The following ARRDC3 variants were observed in gnomAD, a reference collection of about 807,000 sequenced individuals.
ARRDC3 encodes the protein arrestin domain containing 3, also known as arrestin domain-containing protein 3.
In ARRDC3, 10 loss-of-function variants were observed where a neutral mutation model predicts 47.2. The observed-to-expected ratio is 0.21, with a 90% CI of 0.13 to 0.36. ARRDC3 has a LOEUF of 0.36. Ranked by LOEUF, ARRDC3 falls within the 10% of genes least tolerant of loss-of-function variation. The pLI is 1.00. For synonymous variants in ARRDC3, 156 were observed against 178.3 expected (o/e 0.87, Z 1.00); for missense variants, 381 against 503.6 (o/e 0.76, Z 2.33).
intron 1 of ARRDC3, chr5:91,379,979 G>A (rs567288504): frequency 1.8e-4 from 27 of 152,284 alleles, no homozygotes; most frequent in African/African-American, 6.3e-4. Context: ...CCAAAAACTA[G>A]CTGATGAGCT....
Position 91,374,099 on chromosome 5 carries a change from G to T in ARRDC3, c.1033+15C>A. On this transcript the variant is annotated intron_variant, in intron 6 of 7. Coordinates refer to ENST00000265138, the MANE Select transcript of ARRDC3 (RefSeq NM_020801.4). The stretch of plus-strand genomic sequence containing the variant: ...GTAGTAAGAGATTAAGCTTAGACGT[G>T]TATTATCAAATTACCTTCAGGTCTT... 6.2e-7 allele frequency: 1 copy of T among 1,609,264 alleles called. No homozygotes were observed.
At chr5:91,380,782 G>GT (rs1022847657) in intron 1 of ARRDC3, 8 of 152,320 alleles carry the variant, frequency 5.3e-5, no homozygotes, top group African/African-American at 1.7e-4. Context: ...TCCAGCACCT[G>GT]TAAGGCCGGC....
In ARRDC3 at chr5:91,378,704, G is replaced by A; in HGVS notation, c.352C>T (p.Leu118Phe). 3 of 1,584,702 alleles carry A rather than the reference G, an allele frequency of 1.9e-6. No homozygotes were observed. Among genetic ancestry groups the A allele is most frequent in the Non-Finnish European group, 2.6e-6 (3 of 1,161,850 alleles). The change falls in exon 2 of 8, where the codon CTT (leucine) becomes TTT (phenylalanine). Residue 118 changes from leucine (L) to phenylalanine (F), a missense_variant. Leu to Phe is a conservative substitution (Grantham distance 22). Transcript: ENST00000265138. ...ATTTATAATACTTACGTCTGTGGAA[G>A]CTCGAAGCTGAATGCATATTCATGC... is the stretch of plus-strand genomic sequence containing the variant. ...GRHEYAFSFE[L>F]PQTPLATSFE...
rs1244666129 is a variant in ARRDC3, at chr5:91,375,632, G to C, written c.511-19C>G. 3.2e-6 allele frequency: 5 copies of C among 1,560,472 alleles called. No homozygotes were observed. The African/African-American group carries it at 4.1e-5, about 13-fold the overall frequency. On this transcript the variant is annotated intron_variant, in intron 3 of 7. Coordinates refer to ENST00000265138, the MANE Select transcript of ARRDC3 (RefSeq NM_020801.4). ...GGGGTGACTGTAAGAAAAAAATTAA[G>C]AGAAAAAGGTCAGTGTATGGATTGG...
At chr5:91,378,165 T>G (rs946098258) in intron 2 of ARRDC3, among the ~76,000 whole-genome samples, 1 of 152,098 alleles carries the variant, frequency 6.6e-6, no homozygotes, top group Non-Finnish European at 1.5e-5. Flanking sequence ...ATATCTCTTG[T>G]GTGACCTTCC....
intron 7 of ARRDC3, 77 bp downstream of exon 7, chr5:91,373,606 CA>C: frequency 1.4e-6 from 2 of 1,381,798 alleles, no homozygotes; most frequent in Non-Finnish European, 2.0e-6. Context: ...GATCTAATAA[CA>C]TTAAGAAAAA....
At position 91,370,329 on chromosome 5, in the gene ARRDC3, C is replaced by T. The variant is rs1228798750; in HGVS notation, c.*1071G>A. 1 of 152,578 alleles carries T rather than the reference C, an allele frequency of 6.6e-6. No individual in the cohort carries two copies. Among genetic ancestry groups the T allele is most frequent in the African/African-American group, 2.4e-5 (1 of 41,448 alleles). 9.5% of individuals were successfully genotyped at this position (152,578 alleles called of 1,614,324 possible). A position where few individuals can be genotyped will look rare whatever the true frequency, so the allele number is the denominator to read the frequency against. ...AATAATTTTTAAGAGCAACAGCCCT[C>T]AACTCTTTGCTGGTGCCTGCCATAC... On this transcript the variant is annotated 3_prime_UTR_variant, in exon 8 of 8. Coordinates refer to ENST00000265138, the MANE Select transcript of ARRDC3 (RefSeq NM_020801.4).
Position 91,369,770 on chromosome 5 carries a change from C to T in ARRDC3, c.*1630G>A, listed in dbSNP as rs1181851880. On this transcript the variant is annotated 3_prime_UTR_variant, in exon 8 of 8. Coordinates refer to ENST00000265138, the MANE Select transcript of ARRDC3 (RefSeq NM_020801.4). ...TCCTTCTAAAATACAACAACAACAA[C>T]AACAACAAAATAAGTACACTTGGTA... 1 of 152,032 alleles carries T rather than the reference C, an allele frequency of 6.6e-6. No homozygotes were observed. Among genetic ancestry groups the T allele is most frequent in the African/African-American group, 2.4e-5 (1 of 41,376 alleles). The allele number at this position is 152,032 out of a possible 1,614,324, so 9.4% of individuals were successfully genotyped here.
chr5:91,371,426 C>A lies in ARRDC3; in HGVS notation c.1219G>T (p.Asp407Tyr), dbSNP rs201163117. 1.4e-5 allele frequency: 23 copies of A among 1,613,440 alleles called. No individual in the cohort carries two copies. Among genetic ancestry groups the A allele is most frequent in the Admixed American group, 3.3e-5 (2 of 59,904 alleles). ...IDPNPDQSAD[D>Y]RPSCPSR ...CAACGAGAGGGGCAGGATGGTCTAT[C>A]ATCTGCTGACTGATCAGGATTTGGA... Residue 407 changes from aspartate to tyrosine, a missense_variant, in exon 8 of 8, where the codon GAT becomes TAT. Asp to Tyr is a radical substitution (Grantham distance 160, BLOSUM62 -3). Transcript: ENST00000265138.
At chr5:91,376,530 A>G in intron 3 of ARRDC3, 91 bp downstream of exon 3, 1 of 1,149,318 alleles carries the variant, frequency 8.7e-7, no homozygotes, top group South Asian at 1.8e-5. Context: ...CAGTATTTTT[A>G]AATTATGACA....
In ARRDC3 at chr5:91,378,676, A is replaced by T. The variant is rs767044543; in HGVS notation, c.362+18T>A. 39 of 1,401,316 alleles carry T rather than the reference A, an allele frequency of 2.8e-5. No individual in the cohort carries two copies. The Middle Eastern group carries it at 1.1e-3, about 40-fold the overall frequency. The allele number at this position is 1,401,316 out of a possible 1,614,324, so 86.8% of individuals were successfully genotyped here. A position where few individuals can be genotyped will look rare whatever the true frequency, so the allele number is the denominator to read the frequency against. On this transcript the variant is annotated intron_variant, in intron 2 of 7. Coordinates refer to ENST00000265138, the MANE Select transcript of ARRDC3 (RefSeq NM_020801.4). ...ATCATAAGTATCTATAAAAATGCCT[A>T]TTATTTATAATACTTACGTCTGTGG...
chr5:91,372,991 A>G (rs1378948870), intron 7 of ARRDC3, among the ~76,000 whole-genome samples: 1 of 152,196 alleles, frequency 6.6e-6, no homozygotes, highest in East Asian at 1.9e-4. Context: ...CCTTTTGAGG[A>G]CTACTCATTC....
chr5:91,379,007 C>T (rs1046020818), intron 1 of ARRDC3, among the ~76,000 whole-genome samples: 4 of 152,070 alleles, frequency 2.6e-5, no homozygotes, highest in African/African-American at 9.7e-5. Context: ...TCACACCCCA[C>T]AGGCTTTTTA....
Position 91,370,495 on chromosome 5 carries a change from C to T in ARRDC3, c.*905G>A, listed in dbSNP as rs550050563. On this transcript the variant is annotated 3_prime_UTR_variant, in exon 8 of 8. Transcript: ENST00000265138. ...AAAGCCAACCAAATAAACAAACAAACAAACGAAAAAAACAGTGCAACAAAA... is the reference window on the plus strand; with the variant it reads ...AAAGCCAACCAAATAAACAAACAAATAAACGAAAAAAACAGTGCAACAAAA... The T allele has an allele frequency of 6.6e-6, 1 of 152,518 alleles. No individual in the cohort carries two copies. The highest frequency in any genetic ancestry group is 1.9e-4 in the East Asian group (1 of 5,164). 9.4% of individuals were successfully genotyped at this position (152,518 alleles called of 1,614,324 possible).
chr5:91,371,468 T>G lies in ARRDC3; in HGVS notation c.1189-12A>C. 1 of 1,609,268 alleles carries G rather than the reference T, an allele frequency of 6.2e-7. No individual in the cohort carries two copies. On this transcript the variant is annotated splice_polypyrimidine_tract_variant and intron_variant, in intron 7 of 7. Transcript: ENST00000265138. ...GGATTTGGATCAATCTAGAAAGAAA[T>G]GAGAAAAAAAGTTTACAGAGTTATT...
Position 91,371,320 on chromosome 5 carries a change from T to A in ARRDC3, c.*80A>T, listed in dbSNP as rs538768504. The A allele has an allele frequency of 2.2e-5, 28 of 1,261,142 alleles. No homozygotes were observed. In the South Asian group the frequency reaches 3.1e-4, roughly 14 times the overall value. 78.1% of individuals were successfully genotyped at this position (1,261,142 alleles called of 1,614,324 possible). A position where few individuals can be genotyped will look rare whatever the true frequency, so the allele number is the denominator to read the frequency against. ...GTAATTCCACTTCCTCTGAAACGTG[T>A]CTCCAAGATACTTCTCTGTCCTCAG... On this transcript the variant is annotated 3_prime_UTR_variant, in exon 8 of 8. Coordinates refer to ENST00000265138, the MANE Select transcript of ARRDC3 (RefSeq NM_020801.4).
chr5:91,375,077 T>C lies in ARRDC3; in HGVS notation c.715A>G (p.Lys239Glu). 1 of 1,614,212 alleles carries C rather than the reference T, an allele frequency of 6.2e-7. No individual in the cohort carries two copies. The highest frequency in any genetic ancestry group is 8.5e-7 in the Non-Finnish European group (1 of 1,180,028). ...ACAAGCTGTTTTACTTCCTTCATTT[T>C]CCCTTTGGCATAGAAGGCCTGTGTT... is the stretch of plus-strand genomic sequence containing the variant. Reference protein sequence around the residue: ...YQTQAFYAKGKMKEVKQLVAN... With the variant: ...YQTQAFYAKGEMKEVKQLVAN... The change falls in exon 5 of 8, where the codon AAA becomes GAA. Residue 239 changes from lysine (K) to glutamate (E), a missense_variant. Lys to Glu is a moderately conservative substitution (Grantham distance 56). Transcript: ENST00000265138.
intron 1 of ARRDC3, chr5:91,379,950 C>T (rs1479810859): frequency 6.6e-6 from 1 of 152,156 alleles, no homozygotes; most frequent in Non-Finnish European, 1.5e-5. Context: ...GTGCAAATTC[C>T]CCTGAACGGA....
rs200596903 is a variant in ARRDC3, at chr5:91,371,225, G to T, written c.*175C>A. On this transcript the variant is annotated 3_prime_UTR_variant, in exon 8 of 8. Coordinates refer to ENST00000265138, the MANE Select transcript of ARRDC3 (RefSeq NM_020801.4). Reference sequence around the variant, plus strand: ...CTTCAAGCATGTTGGAGCAGTCTCAGAATGTTGCTGTAGGCTTCTAAAGCA... The same window carrying T: ...CTTCAAGCATGTTGGAGCAGTCTCATAATGTTGCTGTAGGCTTCTAAAGCA... The T allele has an allele frequency of 1.5e-3, 863 of 593,562 alleles. 2 individuals carry two copies. The highest frequency in any genetic ancestry group is 2.1e-3 in the Non-Finnish European group (710 of 335,376). 36.8% of individuals were successfully genotyped at this position (593,562 alleles called of 1,614,324 possible).
Sources: gnomAD v4.1 joint callset for allele counts (sites outside exome capture counted in the v4.1 genomes callset) on GRCh38, gnomAD v4.1.1 for gene constraint, MANE v1.5 for transcripts, NCBI Gene and HGNC (gene_info 2026-07-23, HGNC 2026-07-21) for gene names.